The following NDST3 variants were observed in gnomAD, a reference collection of about 807,000 sequenced individuals.
NDST3 encodes bifunctional heparan sulfate N-deacetylase/N-sulfotransferase 3.
In NDST3, 58 loss-of-function variants were observed where a neutral mutation model predicts 96.1. The ratio of observed to expected loss-of-function variants is 0.60; its 90% CI spans 0.49 to 0.75. The LOEUF is 0.75. Among genes scored for constraint, NDST3 ranks in the 30% least tolerant of loss-of-function variants. The pLI is 0.00. For synonymous variants in NDST3, 333 were observed against 359.7 expected (o/e 0.93, Z 0.84); for missense variants, 788 against 1,034.2 (o/e 0.76, Z 3.27).
At chr4:118,222,951 C>A (rs1046778492) in intron 6 of NDST3, among the ~76,000 whole-genome samples, 1 of 151,856 alleles carries the variant, frequency 6.6e-6, no homozygotes, top group Non-Finnish European at 1.5e-5. Flanking sequence ...CTGTCCCATG[C>A]AGATATTATT....
At chr4:118,199,602 A>C (rs1737931125) in intron 6 of NDST3, among the ~76,000 whole-genome samples, 1 of 151,912 alleles carries the variant, frequency 6.6e-6, no homozygotes, top group South Asian at 2.1e-4. Context: ...GTTTTCCTGG[A>C]TTGTCTGGAT....
intron 2 of NDST3, among the ~76,000 whole-genome samples, chr4:118,091,285 C>T (rs1728849030): frequency 6.6e-6 from 1 of 151,494 alleles, no homozygotes; most frequent in South Asian, 2.1e-4. Flanking sequence ...ATCCCCTGGA[C>T]CTAAAATAAA....
chr4:118,251,299 T>C (rs2126014134), intron 12 of NDST3, among the ~76,000 whole-genome samples: 1 of 151,482 alleles, frequency 6.6e-6, no homozygotes, highest in Admixed American at 6.6e-5. Context: ...GCTAATTTTT[T>C]GTATTTTTAG....
At chr4:118,166,804 T>A (rs965338533) in intron 6 of NDST3, among the ~76,000 whole-genome samples, 3 of 152,014 alleles carry the variant, frequency 2.0e-5, no homozygotes, top group African/African-American at 7.2e-5. Context: ...AATGTTATGA[T>A]CATCCCAATA....
intron 6 of NDST3, among the ~76,000 whole-genome samples, chr4:118,184,708 C>A (rs1175494510): frequency 6.6e-6 from 1 of 150,762 alleles, no homozygotes; most frequent in Admixed American, 6.7e-5. Flanking sequence ...TATTGTATAA[C>A]AATATGCAAT....
At chr4:118,130,861 C>A (rs1256608643) in intron 4 of NDST3, among the ~76,000 whole-genome samples, 2 of 152,084 alleles carry the variant, frequency 1.3e-5, no homozygotes, top group South Asian at 2.1e-4. Context: ...CATAAAAGTT[C>A]TTTTCCTTCA....
At chr4:118,215,043 A>T (rs11933280) in intron 6 of NDST3, among the ~76,000 whole-genome samples, 25,801 of 152,136 alleles carry the variant, frequency 0.17, 2,341 homozygotes, top group South Asian at 0.23. Context: ...AAGCACATAA[A>T]GAGCTCAATT....
intron 6 of NDST3, among the ~76,000 whole-genome samples, chr4:118,167,419 A>G (rs991863188): frequency 1.3e-5 from 2 of 152,020 alleles, no homozygotes; most frequent in African/African-American, 4.8e-5. Context: ...AGAAGATACA[A>G]ATAAATGGAA....
At chr4:118,089,637 A>T (rs776287964) in intron 2 of NDST3, among the ~76,000 whole-genome samples, 1 of 151,984 alleles carries the variant, frequency 6.6e-6, no homozygotes, top group South Asian at 2.1e-4. Context: ...AAAGACTAAA[A>T]CATTGAAGTT....
intron 2 of NDST3, among the ~76,000 whole-genome samples, chr4:118,104,064 G>A (rs1308784409): frequency 6.6e-6 from 1 of 152,122 alleles, no homozygotes; most frequent in African/African-American, 2.4e-5. Flanking sequence ...CCTTCCAGAT[G>A]TCAGCTTTAT....
At chr4:118,055,011 C>CA in intron 2 of NDST3, 120 bp downstream of exon 2, 1 of 1,255,402 alleles carries the variant, frequency 8.0e-7, no homozygotes, top group Non-Finnish European at 1.1e-6. Flanking sequence ...AAAGTCTGGG[C>CA]AATCTAGGAT....
chr4:118,130,337 T>C (rs982790842), intron 4 of NDST3, among the ~76,000 whole-genome samples: 2 of 152,146 alleles, frequency 1.3e-5, no homozygotes, highest in Admixed American at 6.5e-5. Flanking sequence ...TGCTTGTTTC[T>C]GTTGTGTTTT....
At chr4:118,146,539 G>A (rs1268232596) in intron 6 of NDST3, among the ~76,000 whole-genome samples, 2 of 151,922 alleles carry the variant, frequency 1.3e-5, no homozygotes, top group Non-Finnish European at 2.9e-5. Flanking sequence ...AAACTGGAAA[G>A]ATCACAGCAA....
chr4:118,067,944 AG>A (rs1284600551), intron 2 of NDST3, among the ~76,000 whole-genome samples: 1 of 152,022 alleles, frequency 6.6e-6, no homozygotes, highest in East Asian at 1.9e-4. Flanking sequence ...AAAAGAAAAA[AG>A]AAAAAAAAGA....
intron 9 of NDST3, among the ~76,000 whole-genome samples, chr4:118,234,752 G>A (rs943165445): frequency 1.3e-5 from 2 of 151,818 alleles, no homozygotes; most frequent in Non-Finnish European, 2.9e-5. Flanking sequence ...AAGTCCAGCT[G>A]GGCACACTGG....
At position 118,183,503 on chromosome 4, in the gene NDST3, T is replaced by G. The variant is rs554085255; in HGVS notation, c.1539+39819T>G. On this transcript the variant is annotated intron_variant, in intron 6 of 13. Transcript: ENST00000296499. ...GTATAAGCTATCTAGGGCCCCACCA[T>G]GAATCATCTCACTAGTATAAGCTAT... 6.6e-5 allele frequency among the ~76,000 whole-genome samples: 10 copies of G among 152,278 alleles called. No individual in the cohort carries two copies. The South Asian group carries it at 1.2e-3, about 19-fold the overall frequency.
intron 4 of NDST3, among the ~76,000 whole-genome samples, chr4:118,123,872 A>G (rs1186083019): frequency 6.6e-6 from 1 of 152,110 alleles, no homozygotes; most frequent in African/African-American, 2.4e-5. Context: ...CTTTTCTTAA[A>G]GGTTACAAGT....
intron 6 of NDST3, among the ~76,000 whole-genome samples, chr4:118,221,759 A>G (rs1739560935): frequency 6.6e-6 from 1 of 152,054 alleles, no homozygotes; most frequent in East Asian, 1.9e-4. Context: ...TATATCTCAC[A>G]GACTAGAAAG....
chr4:118,121,724 A>G (rs191604909), intron 4 of NDST3, among the ~76,000 whole-genome samples: 11 of 152,320 alleles, frequency 7.2e-5, no homozygotes, highest in Non-Finnish European at 1.5e-4. Context: ...TTAGGGTTTA[A>G]GCCTCCCACT....
Sources: allele counts gnomAD v4.1 joint callset (sites outside exome capture counted in the v4.1 genomes callset), GRCh38; gene constraint gnomAD v4.1.1; transcripts MANE v1.5; gene names NCBI Gene and HGNC (gene_info 2026-07-23, HGNC 2026-07-21).